GPM6A: variants seen among roughly 807,000 people sequenced by gnomAD.
GPM6A encodes glycoprotein M6A, also known as neuronal membrane glycoprotein M6-a.
In GPM6A, 7 loss-of-function variants were observed where a neutral mutation model predicts 32.1. The observed-to-expected ratio is 0.22, with a 90% CI of 0.12 to 0.41. GPM6A has a LOEUF of 0.41. GPM6A is among the 10% of genes least tolerant of loss of function. The pLI is 1.00. For synonymous variants in GPM6A, 130 were observed against 123.4 expected (o/e 1.05, Z -0.35); for missense variants, 235 against 347.2 (o/e 0.68, Z 2.57).
intron 1 of GPM6A, among the ~76,000 whole-genome samples, chr4:175,873,799 G>A (rs1422461631): frequency 1.3e-5 from 2 of 152,096 alleles, no homozygotes; most frequent in Non-Finnish European, 1.5e-5. Context: ...CCAAATATTT[G>A]TATTCAGGAA....
chr4:175,732,940 A>G (rs527492851), intron 1 of GPM6A, among the ~76,000 whole-genome samples: 1 of 152,332 alleles, frequency 6.6e-6, no homozygotes, highest in Admixed American at 6.5e-5. Flanking sequence ...ATAGAATATT[A>G]ATTTATTTGC....
At chr4:175,785,503 T>C (rs531107641) in intron 1 of GPM6A, among the ~76,000 whole-genome samples, 1 of 152,348 alleles carries the variant, frequency 6.6e-6, no homozygotes, top group East Asian at 1.9e-4. Flanking sequence ...AGTAACCACA[T>C]TATATTAACA....
chr4:175,940,008 CAT>C (rs1264290177), intron 1 of GPM6A, among the ~76,000 whole-genome samples: 1 of 152,064 alleles, frequency 6.6e-6, no homozygotes, highest in Non-Finnish European at 1.5e-5. Context: ...AACAGAGAAA[CAT>C]AAATAGTGAT....
intron 1 of GPM6A, among the ~76,000 whole-genome samples, chr4:175,878,572 A>G (rs1293127371): frequency 1.3e-5 from 2 of 152,064 alleles, no homozygotes; most frequent in African/African-American, 4.8e-5. Flanking sequence ...CACAGCTGGG[A>G]CAGGGCACCA....
intron 2 of GPM6A, among the ~76,000 whole-genome samples, chr4:175,689,446 G>GTTTT (rs34200402): frequency 6.8e-6 from 1 of 147,500 alleles, no homozygotes. Context: ...TATTTATAGC[G>GTTTT]TTTTTTTTTT....
At chr4:175,709,606 T>C (rs1354099002) in intron 1 of GPM6A, among the ~76,000 whole-genome samples, 2 of 151,392 alleles carry the variant, frequency 1.3e-5, no homozygotes, top group African/African-American at 4.9e-5. Flanking sequence ...CGCTCACTTG[T>C]AATCCCAGCT....
chr4:175,986,212 A>G (rs1363907721), intron 1 of GPM6A, among the ~76,000 whole-genome samples: 2 of 152,044 alleles, frequency 1.3e-5, no homozygotes, highest in African/African-American at 2.4e-5. Flanking sequence ...CTCCATTCCA[A>G]TAAGTGTTAT....
At chr4:176,000,216 G>A (rs141436312) in intron 1 of GPM6A, among the ~76,000 whole-genome samples, 7 of 152,290 alleles carry the variant, frequency 4.6e-5, no homozygotes, top group Admixed American at 4.6e-4. Context: ...CCCTGACTAC[G>A]TAAGTTTTTG....
At chr4:175,909,752 T>C (rs1179320407) in intron 1 of GPM6A, among the ~76,000 whole-genome samples, 3 of 152,200 alleles carry the variant, frequency 2.0e-5, no homozygotes, top group African/African-American at 4.8e-5. Context: ...CAAAAGTTGG[T>C]AGGATTTGCA....
chr4:175,897,780 A>C (rs17062218), intron 1 of GPM6A, among the ~76,000 whole-genome samples: 5,270 of 152,246 alleles, frequency 0.035, 274 homozygotes, highest in African/African-American at 0.12. Flanking sequence ...ATGCATTGTT[A>C]ATTGGGTCAA....
intron 1 of GPM6A, among the ~76,000 whole-genome samples, chr4:175,987,925 TAA>T: frequency 6.6e-6 from 1 of 152,274 alleles, no homozygotes; most frequent in East Asian, 1.9e-4. Context: ...CTAAACTTTA[TAA>T]TTCCATAACA....
intron 1 of GPM6A, among the ~76,000 whole-genome samples, chr4:175,706,600 T>C (rs1745203069): frequency 6.6e-6 from 1 of 152,202 alleles, no homozygotes; most frequent in Admixed American, 6.5e-5. Flanking sequence ...TTTGTCATTA[T>C]CAAGTGTCCA....
intron 1 of GPM6A, among the ~76,000 whole-genome samples, chr4:175,726,486 T>C (rs17598675): frequency 0.35 from 53,534 of 152,110 alleles, 11,662 homozygotes; most frequent in Non-Finnish European, 0.49. Context: ...TTTGTGTTTA[T>C]GTTTTTGACA....
At chr4:175,874,318 C>T (rs1737011895) in intron 1 of GPM6A, among the ~76,000 whole-genome samples, 1 of 152,124 alleles carries the variant, frequency 6.6e-6, no homozygotes, top group Non-Finnish European at 1.5e-5. Context: ...AAGTCAGAGA[C>T]ATTTTAAAAA....
chr4:175,935,366 T>C (rs894750517), intron 1 of GPM6A, among the ~76,000 whole-genome samples: 1 of 152,164 alleles, frequency 6.6e-6, no homozygotes, highest in African/African-American at 2.4e-5. Context: ...CAGGACACTG[T>C]TTAAGGAAAT....
At chr4:175,912,053 G>C (rs557894122) in intron 1 of GPM6A, among the ~76,000 whole-genome samples, 9 of 152,202 alleles carry the variant, frequency 5.9e-5, no homozygotes, top group African/African-American at 2.2e-4. Flanking sequence ...CAGAAACAGG[G>C]AAGTTCACAC....
intron 1 of GPM6A, chr4:175,787,904 G>T: frequency 6.6e-6 from 1 of 152,432 alleles, no homozygotes; most frequent in Admixed American, 6.5e-5. Context: ...ATTAAATGTT[G>T]AATGAATGAA....
At chr4:175,916,831 T>A (rs1391915617) in intron 1 of GPM6A, among the ~76,000 whole-genome samples, 3 of 152,100 alleles carry the variant, frequency 2.0e-5, no homozygotes, top group Non-Finnish European at 4.4e-5. Context: ...CCCAAGCCCC[T>A]CCTTCCACAT....
intron 1 of GPM6A, among the ~76,000 whole-genome samples, chr4:175,780,316 G>C (rs977855964): frequency 6.6e-5 from 10 of 152,082 alleles, no homozygotes; most frequent in Admixed American, 2.6e-4. Flanking sequence ...TCAAAGTGCT[G>C]GGATTACAGG....
Sources: gnomAD v4.1 joint callset for allele counts (sites outside exome capture counted in the v4.1 genomes callset) on GRCh38, gnomAD v4.1.1 for gene constraint, MANE v1.5 for transcripts, NCBI Gene and HGNC (gene_info 2026-07-23, HGNC 2026-07-21) for gene names.